ZNF26: variants seen among roughly 807,000 people sequenced by gnomAD.
ZNF26 encodes the protein epididymis luminal protein 179.
ZNF26 carries 32 observed loss-of-function variants against 54.9 expected under a neutral mutation model. That is an observed-to-expected ratio of 0.58 (90% CI 0.44 to 0.78). The LOEUF is 0.78. Among genes scored for constraint, ZNF26 ranks in the 30% least tolerant of loss-of-function variants. ZNF26 has a pLI of 0.00. For missense variants in ZNF26, 524 were observed against 634.0 expected (o/e 0.83, Z 1.86); for synonymous variants, 221 against 209.2 (o/e 1.06, Z -0.49).
chr12:133,026,055 C>A lies in ZNF26; in HGVS notation c.*14574C>A, dbSNP rs1953699257. On this transcript the variant is annotated 3_prime_UTR_variant, in exon 4 of 4. Transcript: ENST00000328654. Reference sequence around the variant, plus strand: ...TCTAGCCTTAGAAAAAGCTGCCTAGCTGAGCCTATCTTGAATTTCTGACCC... The same window carrying A: ...TCTAGCCTTAGAAAAAGCTGCCTAGATGAGCCTATCTTGAATTTCTGACCC... 1 of 152,252 alleles carries A rather than the reference C, an allele frequency of 6.6e-6. No homozygotes were observed. Among genetic ancestry groups the A allele is most frequent in the South Asian group, 2.1e-4 (1 of 4,822 alleles). 9.4% of individuals were successfully genotyped at this position (152,252 alleles called of 1,614,324 possible). A position where few individuals can be genotyped will look rare whatever the true frequency, so the allele number is the denominator to read the frequency against.
chr12:132,987,849 G>A (rs1304385295), intron 1 of ZNF26: 2 of 455,630 alleles, frequency 4.4e-6, no homozygotes, highest in Non-Finnish European at 5.8e-6. Flanking sequence ...AAAGTTAGGA[G>A]TGGATTTCTC....
chr12:132,999,431 G>T (rs1953163628), intron 1 of ZNF26, among the ~76,000 whole-genome samples: 2 of 151,702 alleles, frequency 1.3e-5, no homozygotes, highest in South Asian at 4.2e-4. Flanking sequence ...ATTTTTTTGT[G>T]TTTTTAGTAG....
chr12:133,009,994 G>T, intron 3 of ZNF26, 142 bp from the exon 4 acceptor site: 1 of 828,914 alleles, frequency 1.2e-6, no homozygotes, highest in Non-Finnish European at 1.7e-6. Flanking sequence ...CCCCATGCTT[G>T]GCCAGTATTT....
intron 1 of ZNF26, among the ~76,000 whole-genome samples, chr12:132,987,351 A>G (rs1433036491): frequency 2.0e-5 from 3 of 152,218 alleles, no homozygotes; most frequent in African/African-American, 7.2e-5. Flanking sequence ...AGGGTAGTCT[A>G]GTGAACTATG....
At position 133,001,721 on chromosome 12, in the gene ZNF26, C is replaced by A; in HGVS notation, c.34-5321C>A. 7.8e-7 allele frequency: 1 copy of A among 1,288,970 alleles called. No homozygotes were observed. The highest frequency in any genetic ancestry group is 1.0e-6 in the Non-Finnish European group (1 of 988,570). 79.8% of individuals were successfully genotyped at this position (1,288,970 alleles called of 1,614,324 possible). The stretch of plus-strand genomic sequence containing the variant: ...GTTCCTTGGGCCCAGGGAAACAGTG[C>A]CCTGCCTGAGGTGAGCCGCAGGGAG... On this transcript the variant is annotated intron_variant, in intron 1 of 3. Coordinates refer to ENST00000328654, the MANE Select transcript of ZNF26 (RefSeq NM_019591.4). The surrounding 1 kb of genome is among the most constrained non-coding windows in gnomAD (Gnocchi z 4.7).
chr12:132,996,723 G>A (rs961365646), intron 1 of ZNF26, among the ~76,000 whole-genome samples: 30 of 152,098 alleles, frequency 2.0e-4, no homozygotes, highest in Admixed American at 6.6e-4. Context: ...GTTTTCCTGC[G>A]TTTTAAAGCT....
chr12:133,009,510 T>C (rs1245839426), intron 3 of ZNF26, among the ~76,000 whole-genome samples: 4 of 151,834 alleles, frequency 2.6e-5, no homozygotes, highest in African/African-American at 9.7e-5. Flanking sequence ...GAGGATTACT[T>C]GAACCCAGGA....
chr12:132,986,935 C>T (rs1952835194), intron 1 of ZNF26, 62 bp downstream of exon 1: 3 of 1,528,700 alleles, frequency 2.0e-6, no homozygotes, highest in African/African-American at 2.7e-5. Flanking sequence ...ACGTTAATCT[C>T]TTCAGGGTTA....
Position 133,023,101 on chromosome 12 carries a change from A to T in ZNF26, c.*11620A>T, listed in dbSNP as rs1953663072. 2 of 152,352 alleles carry T rather than the reference A, an allele frequency of 1.3e-5. No homozygotes were observed. The highest frequency in any genetic ancestry group is 2.1e-4 in the South Asian group (1 of 4,834). 9.4% of individuals were successfully genotyped at this position (152,352 alleles called of 1,614,324 possible). On this transcript the variant is annotated 3_prime_UTR_variant, in exon 4 of 4. Coordinates refer to ENST00000328654, the MANE Select transcript of ZNF26 (RefSeq NM_019591.4). ...TGTACTTGTAACTAGTATTTGATGA[A>T]CAGGGGCTATACAACAGTTTAGATT...
In ZNF26 at chr12:133,010,266, C is replaced by T. The variant is rs964040178; in HGVS notation, c.387C>T (p.Asn129=). 91 of 1,613,972 alleles carry T rather than the reference C, an allele frequency of 5.6e-5. 1 individual carries two copies. Among genetic ancestry groups the T allele is most frequent in the Admixed American group, 3.5e-4 (21 of 60,000 alleles). Reference sequence around the variant, plus strand: ...ATTCTTCAAGACAGAGACTCTATAACACACGTGGAAAAAGTTTGACACAAA... The same window carrying T: ...ATTCTTCAAGACAGAGACTCTATAATACACGTGGAAAAAGTTTGACACAAA... The part of the protein sequence containing the change: ...THDSSRQRLY[N]TRGKSLTQNS... Residue 129 remains asparagine (N), a synonymous_variant, in exon 4 of 4, where the codon AAC becomes AAT. Coordinates refer to ENST00000328654, the MANE Select transcript of ZNF26 (RefSeq NM_019591.4).
intron 1 of ZNF26, among the ~76,000 whole-genome samples, chr12:132,996,217 T>G (rs1346502276): frequency 6.6e-6 from 1 of 152,162 alleles, no homozygotes; most frequent in African/African-American, 2.4e-5. Flanking sequence ...TCAACAGATG[T>G]CCCATGGGGA....
In ZNF26 at chr12:133,007,056, C is replaced by T; in HGVS notation, c.48C>T (p.Phe16=). The change falls in exon 2 of 4, where the codon TTC becomes TTT. Residue 16 remains phenylalanine (F), a synonymous_variant. Transcript: ENST00000328654. The part of the protein sequence containing the change: ...RTASCWGLLS[F]KDISMEFTWD... ...TGTTATTTCAGGGATTATTGTCATT[C>T]AAGGATATATCTATGGAGTTCACCT... The T allele has an allele frequency of 6.2e-7, 1 of 1,614,090 alleles. No individual in the cohort carries two copies. Among genetic ancestry groups the T allele is most frequent in the Non-Finnish European group, 8.5e-7 (1 of 1,179,980 alleles).
In ZNF26 at chr12:133,018,853, G is replaced by A. The variant is rs376911170; in HGVS notation, c.*7372G>A. ...AGCAATCCTCCCATTCTGGTCTCTCGAAGCATCAAGATTATAGGCATGAGC... is the reference window on the plus strand; with the variant it reads ...AGCAATCCTCCCATTCTGGTCTCTCAAAGCATCAAGATTATAGGCATGAGC... On this transcript the variant is annotated 3_prime_UTR_variant, in exon 4 of 4. Transcript: ENST00000328654. 19 of 152,006 alleles carry A rather than the reference G, an allele frequency of 1.2e-4. No homozygotes were observed. The East Asian group carries it at 1.9e-3, about 15-fold the overall frequency. The allele number at this position is 152,006 out of a possible 1,614,324, so 9.4% of individuals were successfully genotyped here.
chr12:132,993,042 T>G, intron 1 of ZNF26, among the ~76,000 whole-genome samples: 1 of 151,080 alleles, frequency 6.6e-6, no homozygotes, highest in African/African-American at 2.4e-5. Context: ...TTTTTTTTTT[T>G]GAGATGGAGT....
chr12:133,022,271 G>A lies in ZNF26; in HGVS notation c.*10790G>A, dbSNP rs1230108946. 6.6e-6 allele frequency: 1 copy of A among 152,042 alleles called. No homozygotes were observed. The allele number at this position is 152,042 out of a possible 1,614,324, so 9.4% of individuals were successfully genotyped here. Reference sequence around the variant, plus strand: ...AAAACTGAATTTTGCAAAATTATTGGATGTCAGTATATTCAAATCAATTTT... The same window carrying A: ...AAAACTGAATTTTGCAAAATTATTGAATGTCAGTATATTCAAATCAATTTT... On this transcript the variant is annotated 3_prime_UTR_variant, in exon 4 of 4. Coordinates refer to ENST00000328654, the MANE Select transcript of ZNF26 (RefSeq NM_019591.4).
rs1953638741 is a variant in ZNF26 at position 133,021,335 on chromosome 12, G to C, written c.*9854G>C. On this transcript the variant is annotated 3_prime_UTR_variant, in exon 4 of 4. Transcript: ENST00000328654. ...CCAGCTAGTTTTTATATTTTTAGTA[G>C]AGACAGGTTTTCACCATGTTGGCCA... 1 of 151,412 alleles carries C rather than the reference G, an allele frequency of 6.6e-6. No homozygotes were observed. Among genetic ancestry groups the C allele is most frequent in the Admixed American group, 6.6e-5 (1 of 15,224 alleles). The allele number at this position is 151,412 out of a possible 1,614,324, so 9.4% of individuals were successfully genotyped here. A position where few individuals can be genotyped will look rare whatever the true frequency, so the allele number is the denominator to read the frequency against.
In ZNF26 at chr12:133,019,388, C is replaced by G. The variant is rs932046286; in HGVS notation, c.*7907C>G. Reference sequence around the variant, plus strand: ...AAAAAAACCCCAAACTCCAGATATTCCAATTATAAAGTAGGCAAAAGATCC... The same window carrying G: ...AAAAAAACCCCAAACTCCAGATATTGCAATTATAAAGTAGGCAAAAGATCC... On this transcript the variant is annotated 3_prime_UTR_variant, in exon 4 of 4. Transcript: ENST00000328654. 17 of 152,044 alleles carry G rather than the reference C, an allele frequency of 1.1e-4. No individual in the cohort carries two copies. The highest frequency in any genetic ancestry group is 4.1e-4 in the African/African-American group (17 of 41,392). 9.4% of individuals were successfully genotyped at this position (152,044 alleles called of 1,614,324 possible). A position where few individuals can be genotyped will look rare whatever the true frequency, so the allele number is the denominator to read the frequency against.
At position 132,993,027 on chromosome 12, in the gene ZNF26, C is replaced by CTTTTTTT. The variant is rs71079156; in HGVS notation, c.33+6163_33+6169dup. On this transcript the variant is annotated intron_variant, in intron 1 of 3. Transcript: ENST00000328654. The stretch of plus-strand genomic sequence containing the variant: ...ACAGTGTTTTTGATCACTAGTATTT[C>CTTTTTTT]TTTTTTTTTTTTTTTGAGATGGAGT... 3.3e-4 allele frequency among the ~76,000 whole-genome samples: 43 copies of CTTTTTTT among 129,424 alleles called. 3 individuals carry two copies. The highest frequency in any genetic ancestry group is 5.1e-4 in the Non-Finnish European group (32 of 62,492). 84.9% of individuals were successfully genotyped at this position (129,424 alleles called of 152,430 possible). A position where few individuals can be genotyped will look rare whatever the true frequency, so the allele number is the denominator to read the frequency against.
chr12:133,003,404 G>A (rs1317759797), intron 1 of ZNF26, among the ~76,000 whole-genome samples: 4 of 151,784 alleles, frequency 2.6e-5, no homozygotes, highest in Admixed American at 1.3e-4. Context: ...ACAGGCACCC[G>A]CCACCACGCC....
Sources: allele counts gnomAD v4.1 joint callset (sites outside exome capture counted in the v4.1 genomes callset), GRCh38; gene constraint gnomAD v4.1.1; non-coding constraint Gnocchi (gnomAD v3.1); transcripts MANE v1.5; gene names NCBI Gene and HGNC (gene_info 2026-07-23, HGNC 2026-07-21).